Variants in GRIA1 observed in about 807,000 individuals in gnomAD.
GRIA1 encodes the protein glutamate ionotropic receptor AMPA type subunit 1.
A neutral mutation model predicts 99.2 loss-of-function variants in GRIA1; 31 were observed. The observed-to-expected ratio is 0.31, with a 90% confidence interval of 0.23 to 0.42. The LOEUF (loss-of-function observed/expected upper bound fraction) is 0.42, where lower values mean the gene tolerates loss of function less well. Ranked by LOEUF, GRIA1 falls within the 10% of genes least tolerant of loss-of-function variation. The probability of loss-of-function intolerance (pLI) is 1.00; values close to 1 mark genes in which losing one functional copy is unlikely to be tolerated. For synonymous variants in GRIA1, 438 were observed against 432.4 expected, an observed-to-expected ratio of 1.01 and a Z score of -0.16; for missense variants, 782 against 1,157.5, an observed-to-expected ratio of 0.68 and a Z score of 4.71.
chr5:153,778,487 A>G (rs1006952400), intron 13 of GRIA1, among the ~76,000 whole-genome samples: 3 of 152,068 alleles, frequency 2.0e-5, no homozygotes, highest in African/African-American at 7.2e-5. Context: ...TCCTAACAAC[A>G]CCGTGGAGGT....
chr5:153,650,702 C>G (rs939553228), intron 4 of GRIA1, among the ~76,000 whole-genome samples, 188 bp downstream of exon 4: 1 of 151,672 alleles, frequency 6.6e-6, no homozygotes, highest in Non-Finnish European at 1.5e-5. Context: ...ACAATGGGAG[C>G]CTTGACATAG....
In GRIA1 at chr5:153,536,094, A is replaced by G. The variant is rs748450880; in HGVS notation, c.220+42029A>G. On this transcript the variant is annotated intron_variant, in intron 2 of 15. Coordinates refer to ENST00000285900, the MANE Select transcript of GRIA1 (RefSeq NM_000827.4). ...TAGTGTGATATTGAAGGCTCAGCAG[A>G]CTCTGACCCTGTCCCATCTCAATTG... Among the ~76,000 whole-genome samples, 3 of 152,020 alleles carry G rather than the reference A, an allele frequency of 2.0e-5. No homozygotes were observed. In the East Asian group the frequency reaches 5.8e-4, roughly 29 times the overall value.
chr5:153,714,139 C>T (rs983432062), intron 11 of GRIA1, among the ~76,000 whole-genome samples: 5 of 152,074 alleles, frequency 3.3e-5, no homozygotes, highest in African/African-American at 7.2e-5. Flanking sequence ...CTGTGGTGAA[C>T]GGCACATGCA....
intron 2 of GRIA1, among the ~76,000 whole-genome samples, chr5:153,529,574 G>A (rs1337318043): frequency 1.3e-5 from 2 of 152,130 alleles, no homozygotes; most frequent in African/African-American, 2.4e-5. Context: ...TCTGAGAGTT[G>A]GTTTTGATGA....
intron 2 of GRIA1, among the ~76,000 whole-genome samples, chr5:153,517,104 C>T (rs1175499270): frequency 2.6e-5 from 4 of 152,150 alleles, no homozygotes; most frequent in African/African-American, 9.7e-5. Context: ...ACATTGCCCT[C>T]AGCCACGCAG....
intron 11 of GRIA1, among the ~76,000 whole-genome samples, chr5:153,739,430 C>T (rs906170725): frequency 1.3e-5 from 2 of 152,198 alleles, no homozygotes; most frequent in East Asian, 3.8e-4. Context: ...AGGCCTGGCA[C>T]ATAGAAGCCT....
chr5:153,671,534 A>T (rs1265291703), intron 5 of GRIA1, among the ~76,000 whole-genome samples: 1 of 152,182 alleles, frequency 6.6e-6, no homozygotes, highest in African/African-American at 2.4e-5. Flanking sequence ...TGCTAGAACC[A>T]TTGTGCAAAT....
At chr5:153,790,165 C>G (rs1289991636) in intron 13 of GRIA1, among the ~76,000 whole-genome samples, 2 of 152,076 alleles carry the variant, frequency 1.3e-5, no homozygotes, top group Admixed American at 1.3e-4. Context: ...CCACAGGAGG[C>G]AGGTAGGAGG....
chr5:153,805,387 G>C (rs1766359129), intron 15 of GRIA1, among the ~76,000 whole-genome samples: 1 of 152,170 alleles, frequency 6.6e-6, no homozygotes, highest in Non-Finnish European at 1.5e-5. Flanking sequence ...ATGTGAAATT[G>C]TATCCAAAGG....
At chr5:153,618,915 A>G (rs1362188983) in intron 2 of GRIA1, among the ~76,000 whole-genome samples, 1 of 152,216 alleles carries the variant, frequency 6.6e-6, no homozygotes, top group African/African-American at 2.4e-5. Flanking sequence ...CAAAATGTTT[A>G]AAATTCTTTA....
At chr5:153,650,238 G>A (rs1164105626) in intron 3 of GRIA1, 92 bp from the exon 4 acceptor site, 8 of 1,084,364 alleles carry the variant, frequency 7.4e-6, no homozygotes, top group Non-Finnish European at 9.4e-6. Context: ...TGGGTTTGGG[G>A]GTAGCCAGGG....
chr5:153,648,926 G>A (rs1344886140), intron 3 of GRIA1, among the ~76,000 whole-genome samples: 1 of 152,108 alleles, frequency 6.6e-6, no homozygotes, highest in Non-Finnish European at 1.5e-5. Context: ...GCTGCAGTTG[G>A]GATTAAGGTT....
rs542999975 is a variant in GRIA1 at position 153,612,318 on chromosome 5, A to T, written c.221-34610A>T. On this transcript the variant is annotated intron_variant, in intron 2 of 15. Transcript: ENST00000285900. ...GCTGAATCTACAGTCTTCTTAAGGG[A>T]AATTTGGGAACATGAGAATTTGAAG... Among the ~76,000 whole-genome samples, 11 of 152,356 alleles carry T rather than the reference A, an allele frequency of 7.2e-5. No homozygotes were observed. In the South Asian group the frequency reaches 2.1e-3, roughly 29 times the overall value.
At chr5:153,524,728 C>T (rs545098) in intron 2 of GRIA1, among the ~76,000 whole-genome samples, 53,850 of 152,080 alleles carry the variant, frequency 0.35, 9,912 homozygotes, top group African/African-American at 0.46. Context: ...GTACCCAGTG[C>T]CTTCTGTATA....
In GRIA1 at chr5:153,544,747, T is replaced by C. The variant is rs980030031; in HGVS notation, c.220+50682T>C. Among the ~76,000 whole-genome samples the C allele has an allele frequency of 4.6e-5, 7 of 152,094 alleles. No homozygotes were observed. In the East Asian group the frequency reaches 1.2e-3, roughly 25 times the overall value. ...AAAGCCGAGAGGAAAAGATAGCTAG[T>C]AAGATGGAAGAGACATGGAAAGGAT... is the stretch of plus-strand genomic sequence containing the variant. On this transcript the variant is annotated intron_variant, in intron 2 of 15. Coordinates refer to ENST00000285900, the MANE Select transcript of GRIA1 (RefSeq NM_000827.4).
chr5:153,761,697 C>T (rs1186769224), intron 11 of GRIA1, among the ~76,000 whole-genome samples: 3 of 152,126 alleles, frequency 2.0e-5, no homozygotes, highest in Non-Finnish European at 4.4e-5. Context: ...ATCAGTACAT[C>T]AAAGAGATAT....
chr5:153,505,043 G>T (rs1247580298), intron 2 of GRIA1, among the ~76,000 whole-genome samples: 1 of 152,166 alleles, frequency 6.6e-6, no homozygotes, highest in African/African-American at 2.4e-5. Flanking sequence ...AGAGGGGACA[G>T]GGAGAGCCAG....
Position 153,630,524 on chromosome 5 carries a change from G to A in GRIA1, c.221-16404G>A, listed in dbSNP as rs78726546. On this transcript the variant is annotated intron_variant, in intron 2 of 15. Transcript: ENST00000285900. ...CTCAGCACTATGGGGATCAGAAGAG[G>A]CCACCCCAAAACAATAGGAAATAAA... Among the ~76,000 whole-genome samples the A allele has an allele frequency of 9.7e-3, 1,475 of 152,198 alleles. 8 individuals carry two copies. Among genetic ancestry groups the A allele is most frequent in the Middle Eastern group, 0.027 (8 of 294 alleles).
At chr5:153,631,873 A>T (rs1360938949) in intron 2 of GRIA1, among the ~76,000 whole-genome samples, 2 of 152,174 alleles carry the variant, frequency 1.3e-5, no homozygotes, top group Non-Finnish European at 2.9e-5. Flanking sequence ...ACAAGAAGCC[A>T]GCCAAGCAAA....
Sources: allele counts gnomAD v4.1 joint callset (sites outside exome capture counted in the v4.1 genomes callset), GRCh38; gene constraint gnomAD v4.1.1; transcripts MANE v1.5; gene names NCBI Gene and HGNC (gene_info 2026-07-23, HGNC 2026-07-21).